Variants in CRAMP1 observed in about 807,000 individuals in gnomAD.
CRAMP1 encodes protein cramped-like.
A neutral mutation model predicts 115.4 loss-of-function variants in CRAMP1; 50 were observed. The observed-to-expected ratio is 0.43, with a 90% CI of 0.35 to 0.55. The LOEUF (loss-of-function observed/expected upper bound fraction) is 0.55. CRAMP1 is among the 20% of genes least tolerant of loss of function. The pLI is 0.01. For synonymous variants in CRAMP1, 866 were observed against 745.4 expected (o/e 1.16, Z -2.64); for missense variants, 1,679 against 1,721.7 (o/e 0.98, Z 0.44).
intron 11 of CRAMP1, among the ~76,000 whole-genome samples, chr16:1,661,593 ATTTTTT>A (rs1307504814): frequency 7.0e-5 from 9 of 127,664 alleles, no homozygotes; most frequent in African/African-American, 2.5e-4. Context: ...CTATGAAAGA[ATTTTTT>A]TTTTTTTTTT....
At chr16:1,651,155 A>G (rs2036719106) in intron 6 of CRAMP1, among the ~76,000 whole-genome samples, 1 of 151,376 alleles carries the variant, frequency 6.6e-6, no homozygotes, top group African/African-American at 2.4e-5. Context: ...AGAGGTCACG[A>G]AAAGGTGGAC....
At position 1,656,129 on chromosome 16, in the gene CRAMP1, C is replaced by T. The variant is rs747446342; in HGVS notation, c.1372C>T (p.Arg458Trp). ...LGIQSGQGTA[R>W]GQVKCPRSGA... ...CATCCAGAGTGGGCAGGGCACGGCC[C>T]GGGGCCAGGTGAAATGCCCGCGGAG... Residue 458 changes from arginine (R) to tryptophan (W), a missense_variant, in exon 10 of 21, where the codon CGG becomes TGG. Around this residue, in one of 8 missense-constraint regions of CRAMP1, gnomAD observed 191 missense variants for 236.2 expected, o/e 0.81. Coordinates refer to ENST00000397412, the MANE Select transcript of CRAMP1 (RefSeq NM_020825.4). The surrounding 1 kb of genome is among the most constrained non-coding windows in gnomAD (Gnocchi z 5.6). 12 of 1,608,390 alleles carry T rather than the reference C, an allele frequency of 7.5e-6. No individual in the cohort carries two copies. The highest frequency in any genetic ancestry group is 1.0e-5 in the Non-Finnish European group (12 of 1,178,236).
At chr16:1,634,288 C>G (rs2036569398) in intron 4 of CRAMP1, among the ~76,000 whole-genome samples, 1 of 152,232 alleles carries the variant, frequency 6.6e-6, no homozygotes, top group African/African-American at 2.4e-5. Flanking sequence ...TTCTGAGGTT[C>G]AAATGCACAT....
chr16:1,672,356 G>A lies in CRAMP1; in HGVS notation c.3646-1525G>A, dbSNP rs775782680. ...CGTTTAGCATGAGATTTTCCCGAGA[G>A]CCCTCCACTCAGAACGTGAGTATGT... On this transcript the variant is annotated intron_variant, in intron 20 of 20. Transcript: ENST00000397412. This position sits in a 1 kb window ranked among gnomAD's most constrained non-coding sequence, Gnocchi z 4.9. 6.6e-6 allele frequency among the ~76,000 whole-genome samples: 1 copy of A among 152,090 alleles called. No individual in the cohort carries two copies. Among genetic ancestry groups the A allele is most frequent in the Non-Finnish European group, 1.5e-5 (1 of 68,044 alleles).
In CRAMP1 at chr16:1,656,504, C is replaced by A; in HGVS notation, c.1747C>A (p.Arg583=). Residue 583 remains arginine (R), a synonymous_variant, in exon 10 of 21, where the codon CGG becomes AGG. Transcript: ENST00000397412. This position sits in a 1 kb window ranked among gnomAD's most constrained non-coding sequence, Gnocchi z 5.6. ...CGAGCAGTGCCGCTGTGCGGACACA[C>A]GGCCTGGGAGCGAGCAGCCCCCTCT... is the stretch of plus-strand genomic sequence containing the variant. ...VPEQCRCADT[R]PGSEQPPLGG... 1.9e-6 allele frequency: 3 copies of A among 1,569,102 alleles called. No homozygotes were observed. The highest frequency in any genetic ancestry group is 2.6e-6 in the Non-Finnish European group (3 of 1,157,846).
Position 1,674,071 on chromosome 16 carries a change from C to T in CRAMP1, c.*26C>T. On this transcript the variant is annotated 3_prime_UTR_variant, in exon 21 of 21. Transcript: ENST00000397412. ...CCACACGTCCTGGTGGCGGATGAAG[C>T]CCTCTTCGAGCTAGAGAAAAATAGA... 2.5e-6 allele frequency: 4 copies of T among 1,606,920 alleles called. No individual in the cohort carries two copies. Among genetic ancestry groups the T allele is most frequent in the Non-Finnish European group, 3.4e-6 (4 of 1,177,310 alleles).
rs1295461834 is a variant in CRAMP1, at chr16:1,674,923, G to GTC, written c.*878_*879insTC. ...TAGGCGCTAATATGATTACAGCGAA[G>GTC]ACTTTCCTGATAAGTTCTCAAACTC... On this transcript the variant is annotated 3_prime_UTR_variant, in exon 21 of 21. Coordinates refer to ENST00000397412, the MANE Select transcript of CRAMP1 (RefSeq NM_020825.4). 2 of 152,208 alleles carry GTC rather than the reference G, an allele frequency of 1.3e-5. No homozygotes were observed. The highest frequency in any genetic ancestry group is 4.8e-5 in the African/African-American group (2 of 41,440). 9.4% of individuals were successfully genotyped at this position (152,208 alleles called of 1,614,324 possible). A position where few individuals can be genotyped will look rare whatever the true frequency, so the allele number is the denominator to read the frequency against.
In CRAMP1 at chr16:1,632,251, C is replaced by T. The variant is rs1273557268; in HGVS notation, c.580C>T (p.Leu194=). ...DFEAIQNNIA[L]KYKKKGKPAS... is the part of the protein sequence containing the mutation. ...TGAAGCGATTCAGAACAACATTGCGCTGAAGTACAAGAAGAAAGGCAAGCC... is the reference window on the plus strand; with the variant it reads ...TGAAGCGATTCAGAACAACATTGCGTTGAAGTACAAGAAGAAAGGCAAGCC... The change falls in exon 4 of 21, where the codon CTG becomes TTG. Residue 194 remains leucine, a synonymous_variant. Transcript: ENST00000397412. The T allele has an allele frequency of 1.3e-6, 2 of 1,580,520 alleles. No individual in the cohort carries two copies. The highest frequency in any genetic ancestry group is 2.7e-5 in the African/African-American group (2 of 73,972).
rs1447701140 is a variant in CRAMP1, at chr16:1,666,391, C to G, written c.2858-31C>G. Reference sequence around the variant, plus strand: ...GACATCTTATGGGTTGTCAGTAGAGCAGAGATGTGCAGCGTCCTTTTTGTT... The same window carrying G: ...GACATCTTATGGGTTGTCAGTAGAGGAGAGATGTGCAGCGTCCTTTTTGTT... On this transcript the variant is annotated intron_variant, in intron 15 of 20. Transcript: ENST00000397412. This position sits in a 1 kb window ranked among gnomAD's most constrained non-coding sequence, Gnocchi z 5.0. The G allele has an allele frequency of 1.9e-6, 3 of 1,594,428 alleles. No individual in the cohort carries two copies. In the African/African-American group the frequency reaches 4.0e-5, roughly 21 times the overall value.
intron 17 of CRAMP1, 91 bp downstream of exon 17, chr16:1,667,491 C>A: frequency 3.0e-6 from 3 of 988,134 alleles, no homozygotes; most frequent in Admixed American, 1.8e-5. Flanking sequence ...TGGAGTGGCC[C>A]GGCTTCTCTC....
Position 1,614,948 on chromosome 16 carries a change from G to A in CRAMP1, c.309G>A (p.Gly103=). 2.4e-6 allele frequency: 3 copies of A among 1,266,136 alleles called. No homozygotes were observed. The highest frequency in any genetic ancestry group is 4.2e-4 in the Middle Eastern group (2 of 4,716). 78.4% of individuals were successfully genotyped at this position (1,266,136 alleles called of 1,614,324 possible). ...RPRKDPPSAV[G]SGNAGGSGPR... The stretch of plus-strand genomic sequence containing the variant: ...GGAAGGATCCTCCGAGCGCTGTGGG[G>A]AGCGGCAACGCCGGTGGCTCGGGGC... The change falls in exon 2 of 21, where the codon GGG becomes GGA. Residue 103 remains glycine, a synonymous_variant. Coordinates refer to ENST00000397412, the MANE Select transcript of CRAMP1 (RefSeq NM_020825.4). The surrounding 1 kb of genome is among the most constrained non-coding windows in gnomAD (Gnocchi z 4.4).
In CRAMP1 at chr16:1,632,959, G is replaced by A. The variant is rs114161511; in HGVS notation, c.694+594G>A. Among the ~76,000 whole-genome samples the A allele has an allele frequency of 5.6e-4, 85 of 152,316 alleles. 1 individual carries two copies. Among genetic ancestry groups the A allele is most frequent in the African/African-American group, 2.0e-3 (84 of 41,566 alleles). On this transcript the variant is annotated intron_variant, in intron 4 of 20. Transcript: ENST00000397412. The stretch of plus-strand genomic sequence containing the variant: ...TCCTTGGGAGTCTTAGCTGCCTCCT[G>A]CCTCCGCCTATGAGAACTACCTCTC...
chr16:1,639,044 G>A (rs552917234), intron 5 of CRAMP1, among the ~76,000 whole-genome samples: 2 of 151,984 alleles, frequency 1.3e-5, no homozygotes, highest in South Asian at 4.1e-4. Context: ...CCCTCTCTCA[G>A]CCTTGGGAAG....
chr16:1,657,525 C>G (rs147143966), intron 10 of CRAMP1, among the ~76,000 whole-genome samples: 23 of 152,286 alleles, frequency 1.5e-4, no homozygotes, highest in African/African-American at 5.1e-4. Context: ...GTAGTTCTTG[C>G]TCTGGAAAGA....
intron 6 of CRAMP1, chr16:1,647,193 TG>T: frequency 1.6e-6 from 1 of 612,344 alleles, no homozygotes; most frequent in Non-Finnish European, 2.9e-6. Flanking sequence ...GAATCTTCTT[TG>T]GTTTTAGAAT....
In CRAMP1 at chr16:1,673,956, C is replaced by G; in HGVS notation, c.3721C>G (p.Gln1241Glu). 1 of 1,613,566 alleles carries G rather than the reference C, an allele frequency of 6.2e-7. No homozygotes were observed. The highest frequency in any genetic ancestry group is 1.1e-5 in the South Asian group (1 of 91,038). ...DYISRFNDLA[Q>E]ELSIAEPGRR... ...CATTTCTCGGTTCAATGACCTGGCC[C>G]AAGAGCTGTCCATCGCTGAGCCTGG... Residue 1241 changes from glutamine (Q) to glutamate (E), a missense_variant, in exon 21 of 21, where the codon CAA becomes GAA. By Grantham distance (29) the Gln-to-Glu change is conservative. Transcript: ENST00000397412.
chr16:1,633,302 G>A (rs889860418), intron 4 of CRAMP1, among the ~76,000 whole-genome samples: 43 of 152,210 alleles, frequency 2.8e-4, no homozygotes, highest in African/African-American at 9.2e-4. Flanking sequence ...CTGTGTGACT[G>A]GGCAGAGCCC....
chr16:1,658,424 A>AG (rs1302087681), intron 10 of CRAMP1, among the ~76,000 whole-genome samples: 4 of 152,054 alleles, frequency 2.6e-5, no homozygotes, highest in African/African-American at 9.7e-5. Flanking sequence ...GCCCCAGGGA[A>AG]GGGGCCAGGG....
chr16:1,624,573 C>T (rs2036493248), intron 2 of CRAMP1, among the ~76,000 whole-genome samples: 1 of 151,476 alleles, frequency 6.6e-6, no homozygotes, highest in African/African-American at 2.4e-5. Flanking sequence ...CGTGCACCAC[C>T]ACACCTGGCT....
Sources: gnomAD v4.1 joint callset for allele counts (sites outside exome capture counted in the v4.1 genomes callset) on GRCh38, gnomAD v4.1.1 for gene constraint, gnomAD v4.1.1 regional missense constraint, Gnocchi (gnomAD v3.1) non-coding constraint, MANE v1.5 for transcripts, NCBI Gene and HGNC (gene_info 2026-07-23, HGNC 2026-07-21) for gene names.